Variants in LPCAT3 observed in about 807,000 individuals in gnomAD.
LPCAT3 encodes the protein lysophosphatidylcholine acyltransferase 3, also known as lysophospholipid acyltransferase 5.
Under a neutral mutation model 63.4 loss-of-function variants are expected in LPCAT3, and 21 were observed. That is an observed-to-expected ratio of 0.33 (90% confidence interval 0.23 to 0.48). LPCAT3 has a LOEUF of 0.48. Among genes scored for constraint, LPCAT3 ranks in the 20% least tolerant of loss-of-function variants. LPCAT3 has a pLI of 0.99. For missense variants in LPCAT3, 451 were observed against 590.6 expected (o/e 0.76, Z 2.45); for synonymous variants, 242 against 227.5 (o/e 1.06, Z -0.58).
intron 1 of LPCAT3, among the ~76,000 whole-genome samples, chr12:6,984,322 AG>A (rs1190191496): frequency 2.6e-5 from 4 of 152,244 alleles, no homozygotes; most frequent in Non-Finnish European, 4.4e-5. Flanking sequence ...TACATGGCCA[AG>A]GGTTGCTTAT....
At chr12:6,982,644 G>T in intron 3 of LPCAT3, 32 bp downstream of exon 3, 1 of 1,526,558 alleles carries the variant, frequency 6.6e-7, no homozygotes, top group Non-Finnish European at 9.1e-7. Flanking sequence ...GCTGTCAGCT[G>T]TAGCCTGAGC....
At chr12:6,993,630 G>A (rs782053735) in intron 1 of LPCAT3, among the ~76,000 whole-genome samples, 11 of 152,186 alleles carry the variant, frequency 7.2e-5, no homozygotes, top group African/African-American at 2.4e-4. Context: ...TATAAATGGC[G>A]TCAGGCAATG....
chr12:6,993,295 G>A (rs969720406), intron 1 of LPCAT3, among the ~76,000 whole-genome samples: 3 of 151,794 alleles, frequency 2.0e-5, no homozygotes, highest in African/African-American at 2.4e-5. Flanking sequence ...TTAGCTGGGC[G>A]TGGTGGTGCC....
At chr12:6,989,081 C>A (rs185293613) in intron 1 of LPCAT3, among the ~76,000 whole-genome samples, 107 of 151,822 alleles carry the variant, frequency 7.0e-4, no homozygotes, top group Admixed American at 2.0e-3. Context: ...CGAGATCACG[C>A]CATTGCACTC....
At chr12:7,014,786 C>T (rs994793708) in intron 1 of LPCAT3, among the ~76,000 whole-genome samples, 2 of 150,506 alleles carry the variant, frequency 1.3e-5, no homozygotes, top group Non-Finnish European at 2.9e-5. Context: ...CCTAGCTACT[C>T]AGGAGGCTGA....
rs1555153209 is a variant in LPCAT3 at position 6,976,494 on chromosome 12, G to C, written c.*410C>G. 2 of 153,238 alleles carry C rather than the reference G, an allele frequency of 1.3e-5. No individual in the cohort carries two copies. The highest frequency in any genetic ancestry group is 1.5e-5 in the Non-Finnish European group (1 of 68,794). The allele number at this position is 153,238 out of a possible 1,614,324, so 9.5% of individuals were successfully genotyped here. A position where few individuals can be genotyped will look rare whatever the true frequency, so the allele number is the denominator to read the frequency against. ...AATCCCAGCACTTTGGGAGGCGGAG[G>C]CGGGTGGATCACTTGCGGTCAGGAG... On this transcript the variant is annotated 3_prime_UTR_variant, in exon 13 of 13. Transcript: ENST00000261407.
At chr12:7,013,849 G>A (rs1322908801) in intron 1 of LPCAT3, among the ~76,000 whole-genome samples, 3 of 152,166 alleles carry the variant, frequency 2.0e-5, no homozygotes, top group African/African-American at 7.2e-5. Context: ...TACAGCTCCA[G>A]CCATATTATT....
At chr12:7,010,137 T>G (rs1263115885) in intron 1 of LPCAT3, among the ~76,000 whole-genome samples, 2 of 152,210 alleles carry the variant, frequency 1.3e-5, no homozygotes, top group East Asian at 3.8e-4. Flanking sequence ...TCCACCTACA[T>G]AAAAGGCCTA....
intron 1 of LPCAT3, among the ~76,000 whole-genome samples, chr12:7,008,192 AAGC>A (rs1555156993): frequency 6.6e-6 from 1 of 152,056 alleles, no homozygotes; most frequent in African/African-American, 2.4e-5. Flanking sequence ...CCTGTTTTGA[AAGC>A]AGGGAGAAAT....
intron 2 of LPCAT3, 47 bp from the exon 3 acceptor site, chr12:6,982,829 G>T: frequency 8.0e-7 from 1 of 1,247,744 alleles, no homozygotes; most frequent in Non-Finnish European, 1.2e-6. Context: ...CACTCCCACC[G>T]TCCTGAGACT....
intron 1 of LPCAT3, among the ~76,000 whole-genome samples, chr12:7,015,918 G>C (rs1379109376): frequency 6.6e-6 from 1 of 152,178 alleles, no homozygotes; most frequent in Non-Finnish European, 1.5e-5. Flanking sequence ...GGCAATATGT[G>C]ATTATGTCAA....
At chr12:6,984,234 T>C (rs782725816) in intron 1 of LPCAT3, among the ~76,000 whole-genome samples, 4 of 152,228 alleles carry the variant, frequency 2.6e-5, no homozygotes, top group Non-Finnish European at 4.4e-5. Context: ...AAATGTCTTC[T>C]AAAGCCATGA....
Position 6,978,397 on chromosome 12 carries a change from G to C in LPCAT3, c.984C>G (p.Pro328=), listed in dbSNP as rs782287503. The change falls in exon 9 of 13, where the codon CCC becomes CCG. Residue 328 remains proline, a synonymous_variant. Transcript: ENST00000261407. ...NMKVWLFETN[P]RFTGTIASFN... is the part of the protein sequence containing the mutation. ...ATGAGGCAATGGTGCCAGTGAAGCG[G>C]GGGTTTGTTTCAAAGAGCCACACCT... 3 of 1,613,916 alleles carry C rather than the reference G, an allele frequency of 1.9e-6. No individual in the cohort carries two copies. Among genetic ancestry groups the C allele is most frequent in the Admixed American group, 3.3e-5 (2 of 60,008 alleles).
chr12:6,978,755 TC>T, intron 7 of LPCAT3, 66 bp from the exon 8 acceptor site: 2 of 1,589,594 alleles, frequency 1.3e-6, no homozygotes, highest in Non-Finnish European at 8.6e-7. Context: ...TCAGCACTCT[TC>T]CTTTTCACAC....
At chr12:7,014,635 G>A (rs1946785536) in intron 1 of LPCAT3, among the ~76,000 whole-genome samples, 1 of 151,852 alleles carries the variant, frequency 6.6e-6, no homozygotes, top group African/African-American at 2.4e-5. Context: ...GTAATTTCAC[G>A]CCTGTAATTC....
intron 1 of LPCAT3, among the ~76,000 whole-genome samples, chr12:6,995,621 T>TAAAA (rs1555155947): frequency 1.3e-5 from 2 of 152,102 alleles, no homozygotes; most frequent in Non-Finnish European, 2.9e-5. Context: ...GATTTGCAGT[T>TAAAA]AAAACCCTTA....
rs782117795 is a variant in LPCAT3, at chr12:6,977,345, T to C, written c.1347+22A>G. The C allele has an allele frequency of 3.1e-6, 5 of 1,613,928 alleles. No individual in the cohort carries two copies. In the South Asian group the frequency reaches 4.4e-5, roughly 14 times the overall value. ...AGGTTGCAGTGAGTCCCTCCCAGTC[T>C]CACAAGCAGGCCTTCACTTGCCTTA... On this transcript the variant is annotated intron_variant, in intron 11 of 12. Transcript: ENST00000261407. The surrounding 1 kb of genome is among the most constrained non-coding windows in gnomAD (Gnocchi z 4.5).
chr12:7,016,878 G>A (rs1423937943), intron 1 of LPCAT3, among the ~76,000 whole-genome samples: 1 of 152,142 alleles, frequency 6.6e-6, no homozygotes, highest in Non-Finnish European at 1.5e-5. Flanking sequence ...AAAATCTTAC[G>A]ATTCCACAGA....
intron 12 of LPCAT3, 86 bp from the exon 13 acceptor site, chr12:6,976,977 C>T (rs782437894): frequency 1.3e-4 from 78 of 610,754 alleles, no homozygotes; most frequent in African/African-American, 1.2e-3. Context: ...CCTAGCATGC[C>T]TCAATAAGTC....
Sources: allele counts gnomAD v4.1 joint callset (sites outside exome capture counted in the v4.1 genomes callset), GRCh38; gene constraint gnomAD v4.1.1; non-coding constraint Gnocchi (gnomAD v3.1); transcripts MANE v1.5; gene names NCBI Gene and HGNC (gene_info 2026-07-23, HGNC 2026-07-21).